PDE7B: variants seen among roughly 807,000 people sequenced by gnomAD.
PDE7B encodes the protein phosphodiesterase 7B, also known as 3',5'-cyclic-AMP phosphodiesterase 7B.
A neutral mutation model predicts 56.2 loss-of-function variants in PDE7B; 29 were observed. The observed-to-expected ratio is 0.52, with a 90% CI of 0.38 to 0.70. The LOEUF is 0.70. Among genes scored for constraint, PDE7B ranks in the 30% least tolerant of loss-of-function variants. The pLI is 0.00. For missense variants in PDE7B, 490 were observed against 565.0 expected, an observed-to-expected ratio of 0.87 and a Z score of 1.35; for synonymous variants, 197 against 196.9, an observed-to-expected ratio of 1.00 and a Z score of 0.00.
chr6:135,939,903 T>A lies in PDE7B; in HGVS notation c.22-7561T>A, dbSNP rs551271349. ...AAATGATGGCAGCCGGTATCACTGG[T>A]GAGAGACATCTGGAGCCAATTAAGA... On this transcript the variant is annotated intron_variant, in intron 1 of 12. Coordinates refer to ENST00000308191, the MANE Select transcript of PDE7B (RefSeq NM_018945.4). Among the ~76,000 whole-genome samples, 156 of 152,318 alleles carry A rather than the reference T, an allele frequency of 1.0e-3. 1 individual carries two copies. The highest frequency in any genetic ancestry group is 1.9e-3 in the Non-Finnish European group (130 of 68,024).
chr6:136,006,486 T>G (rs1775786373), intron 2 of PDE7B, among the ~76,000 whole-genome samples: 1 of 152,224 alleles, frequency 6.6e-6, no homozygotes, highest in South Asian at 2.1e-4. Flanking sequence ...ATATTGAATT[T>G]GTAAATTTCT....
chr6:136,148,745 T>A (rs1285963218), intron 4 of PDE7B, among the ~76,000 whole-genome samples: 1 of 152,034 alleles, frequency 6.6e-6, no homozygotes. Context: ...AGAAAGGTGG[T>A]GTGAGATGTG....
At chr6:136,169,168 A>G (rs1778843454) in intron 8 of PDE7B, among the ~76,000 whole-genome samples, 1 of 152,136 alleles carries the variant, frequency 6.6e-6, no homozygotes. Flanking sequence ...AGATGAGGGC[A>G]TGGAAAGTGC....
At chr6:136,120,223 T>G (rs1777907521) in intron 3 of PDE7B, among the ~76,000 whole-genome samples, 1 of 152,240 alleles carries the variant, frequency 6.6e-6, no homozygotes, top group Non-Finnish European at 1.5e-5. Flanking sequence ...TTAACCCTTT[T>G]CAGTTTTCCA....
At chr6:136,172,987 C>A (rs917060585) in intron 8 of PDE7B, among the ~76,000 whole-genome samples, 1 of 151,802 alleles carries the variant, frequency 6.6e-6, no homozygotes, top group Admixed American at 6.6e-5. Flanking sequence ...CAAACCACTG[C>A]TCAATGAAAT....
chr6:136,009,227 G>T (rs1314972011), intron 2 of PDE7B, among the ~76,000 whole-genome samples: 2 of 151,706 alleles, frequency 1.3e-5, no homozygotes, highest in Non-Finnish European at 1.5e-5. Flanking sequence ...ATGCTGTTTT[G>T]GTTACTGTAG....
intron 9 of PDE7B, among the ~76,000 whole-genome samples, chr6:136,175,971 CATAT>C (rs757041775): frequency 4.8e-4 from 73 of 152,108 alleles, no homozygotes; most frequent in Admixed American, 1.0e-3. Context: ...GCAAATTTGA[CATAT>C]ATGTATGTAT....
chr6:136,132,894 A>G (rs779080345), intron 3 of PDE7B, among the ~76,000 whole-genome samples: 2 of 152,192 alleles, frequency 1.3e-5, no homozygotes, highest in African/African-American at 2.4e-5. Context: ...GAATACAGAC[A>G]TGATTAGTCC....
At chr6:136,173,998 G>A (rs971598894) in intron 9 of PDE7B, 110 bp downstream of exon 9, 2 of 748,726 alleles carry the variant, frequency 2.7e-6, no homozygotes, top group African/African-American at 3.4e-5. Context: ...CCCCCCGGCT[G>A]TACTTCCTGC....
intron 1 of PDE7B, among the ~76,000 whole-genome samples, chr6:135,897,323 T>A (rs1775920050): frequency 1.3e-5 from 2 of 151,866 alleles, no homozygotes; most frequent in Non-Finnish European, 2.9e-5. Context: ...AGGGACAGTG[T>A]GTGTTTAATC....
At chr6:135,909,131 G>A (rs927164943) in intron 1 of PDE7B, among the ~76,000 whole-genome samples, 5 of 151,904 alleles carry the variant, frequency 3.3e-5, no homozygotes, top group Admixed American at 3.3e-4. Flanking sequence ...AATTGTTGTG[G>A]GGCATGTAAA....
chr6:135,889,942 G>A (rs182832228), intron 1 of PDE7B, among the ~76,000 whole-genome samples: 384 of 148,774 alleles, frequency 2.6e-3, no homozygotes, highest in African/African-American at 7.6e-3. Flanking sequence ...TAGTAGAGAC[G>A]GGGTTTCACC....
rs112730923 is a variant in PDE7B at position 135,890,344 on chromosome 6, T to C, written c.21+38325T>C. 6.4e-3 allele frequency among the ~76,000 whole-genome samples: 973 copies of C among 152,330 alleles called. 11 individuals are homozygous for C. The highest frequency in any genetic ancestry group is 0.022 in the African/African-American group (913 of 41,572). On this transcript the variant is annotated intron_variant, in intron 1 of 12. Coordinates refer to ENST00000308191, the MANE Select transcript of PDE7B (RefSeq NM_018945.4). ...TCAGACAGGTTCTAGATATTTCCTA[T>C]GGTACTTAGAGCCACATGCAGATTG...
chr6:135,906,825 T>TTTG (rs1554265688), intron 1 of PDE7B, among the ~76,000 whole-genome samples: 1 of 145,782 alleles, frequency 6.9e-6, no homozygotes, highest in Non-Finnish European at 1.5e-5. Flanking sequence ...TTTTTTTTTT[T>TTTG]TTTTTTTTTT....
rs187241721 is a variant in PDE7B, at chr6:136,037,748, G to A, written c.83-70983G>A. 7.9e-5 allele frequency: 78 copies of A among 985,344 alleles called. No individual in the cohort carries two copies. The Admixed American group carries it at 1.1e-3, about 14-fold the overall frequency. The allele number at this position is 985,344 out of a possible 1,614,324, so 61.0% of individuals were successfully genotyped here. On this transcript the variant is annotated intron_variant, in intron 2 of 12. Coordinates refer to ENST00000308191, the MANE Select transcript of PDE7B (RefSeq NM_018945.4). Reference sequence around the variant, plus strand: ...GTGAGGTTAGCAAAGGGGAAGCCCCGCTTCTTTGCCTGAAGTCCTTAAGAG... The same window carrying A: ...GTGAGGTTAGCAAAGGGGAAGCCCCACTTCTTTGCCTGAAGTCCTTAAGAG...
chr6:136,030,488 G>C (rs573388773), intron 2 of PDE7B, among the ~76,000 whole-genome samples: 1 of 152,114 alleles, frequency 6.6e-6, no homozygotes, highest in Non-Finnish European at 1.5e-5. Flanking sequence ...TGTGTGTTTC[G>C]CTGAGACTGA....
At chr6:136,166,694 T>TC (rs1231433913) in intron 8 of PDE7B, among the ~76,000 whole-genome samples, 1 of 151,978 alleles carries the variant, frequency 6.6e-6, no homozygotes, top group Non-Finnish European at 1.5e-5. Flanking sequence ...TCCAATCCCC[T>TC]CCCACCAGGC....
At chr6:135,894,973 A>C (rs1024245483) in intron 1 of PDE7B, among the ~76,000 whole-genome samples, 1 of 152,138 alleles carries the variant, frequency 6.6e-6, no homozygotes, top group East Asian at 1.9e-4. Flanking sequence ...ATTTGATCAA[A>C]TGCCTTTATA....
chr6:135,896,163 C>A (rs543595367), intron 1 of PDE7B, among the ~76,000 whole-genome samples: 2 of 152,024 alleles, frequency 1.3e-5, no homozygotes, highest in African/African-American at 4.8e-5. Context: ...TATGAAAACG[C>A]GGGGAGAGAA....
Sources: gnomAD v4.1 joint callset for allele counts (sites outside exome capture counted in the v4.1 genomes callset) on GRCh38, gnomAD v4.1.1 for gene constraint, MANE v1.5 for transcripts, NCBI Gene and HGNC (gene_info 2026-07-23, HGNC 2026-07-21) for gene names.